Variants in SLC5A8 observed in about 807,000 individuals in gnomAD.
The protein encoded by SLC5A8 is solute carrier family 5 member 8, also known as sodium-coupled monocarboxylate transporter 1.
Under a neutral mutation model 71.9 loss-of-function variants are expected in SLC5A8, and 55 were observed. The observed-to-expected ratio is 0.77, with a 90% confidence interval of 0.62 to 0.96. SLC5A8 has a LOEUF of 0.96. SLC5A8 is among the 40% of genes least tolerant of loss of function. SLC5A8 has a pLI of 0.00. For missense variants in SLC5A8, 701 were observed against 745.3 expected, an observed-to-expected ratio of 0.94 and a Z score of 0.69; for synonymous variants, 307 against 276.1, an observed-to-expected ratio of 1.11 and a Z score of -1.11.
At chr12:101,164,870 C>T (rs1593362249) in intron 12 of SLC5A8, among the ~76,000 whole-genome samples, 1 of 152,138 alleles carries the variant, frequency 6.6e-6, no homozygotes, top group East Asian at 1.9e-4. Flanking sequence ...CCAGATCTTC[C>T]CCTTCATCTA....
chr12:101,170,739 C>A (rs978113090), intron 10 of SLC5A8, among the ~76,000 whole-genome samples: 4 of 152,144 alleles, frequency 2.6e-5, no homozygotes, highest in African/African-American at 4.8e-5. Context: ...TTCCATCCCC[C>A]CAGACTGTCA....
intron 7 of SLC5A8, among the ~76,000 whole-genome samples, chr12:101,184,850 G>A (rs895117623): frequency 6.6e-6 from 1 of 152,146 alleles, no homozygotes; most frequent in Non-Finnish European, 1.5e-5. Context: ...CTTGCTTTTT[G>A]ATAACTTATA....
chr12:101,165,130 G>T (rs1469617426), intron 12 of SLC5A8, among the ~76,000 whole-genome samples: 1 of 152,094 alleles, frequency 6.6e-6, no homozygotes, highest in African/African-American at 2.4e-5. Context: ...TTCTTCCATG[G>T]ATACTAAATA....
At chr12:101,165,056 C>T (rs527465544) in intron 12 of SLC5A8, among the ~76,000 whole-genome samples, 2 of 152,282 alleles carry the variant, frequency 1.3e-5, no homozygotes, top group Admixed American at 6.5e-5. Flanking sequence ...TATATTTGCA[C>T]ATTCCCTCCT....
intron 12 of SLC5A8, among the ~76,000 whole-genome samples, chr12:101,164,260 AAGAC>A (rs1303302797): frequency 5.9e-5 from 9 of 152,212 alleles, no homozygotes; most frequent in East Asian, 1.9e-4. Flanking sequence ...AAGTAAGAAA[AAGAC>A]AGAGAATCCA....
intron 1 of SLC5A8, among the ~76,000 whole-genome samples, chr12:101,205,121 C>G (rs1187356913): frequency 6.6e-6 from 1 of 152,140 alleles, no homozygotes. Context: ...ATGATCCCAG[C>G]TCAGCCAATC....
chr12:101,206,290 A>G (rs1869675353), intron 1 of SLC5A8, among the ~76,000 whole-genome samples: 1 of 152,222 alleles, frequency 6.6e-6, no homozygotes, highest in Admixed American at 6.5e-5. Flanking sequence ...GTCTGGGAAC[A>G]AGGCAGTATT....
chr12:101,169,214 A>G (rs1403659622), intron 10 of SLC5A8, among the ~76,000 whole-genome samples: 1 of 152,202 alleles, frequency 6.6e-6, no homozygotes, highest in Non-Finnish European at 1.5e-5. Context: ...GCAGTTTTGG[A>G]GACATAACAA....
At chr12:101,183,830 C>T (rs1444387568) in intron 8 of SLC5A8, among the ~76,000 whole-genome samples, 2 of 152,154 alleles carry the variant, frequency 1.3e-5, no homozygotes, top group Non-Finnish European at 2.9e-5. Flanking sequence ...CTGTGGCACC[C>T]ATTTTTGATC....
Position 101,169,029 on chromosome 12 carries a change from T to C in SLC5A8, c.1234-847A>G, listed in dbSNP as rs958177809. Reference sequence around the variant, plus strand: ...TGTTGTTTTAAATAGGCCTACTTCATGGAAGAAGAAAAGGATGTGGTACTG... The same window carrying C: ...TGTTGTTTTAAATAGGCCTACTTCACGGAAGAAGAAAAGGATGTGGTACTG... On this transcript the variant is annotated intron_variant, in intron 10 of 14. Coordinates refer to ENST00000536262, the MANE Select transcript of SLC5A8 (RefSeq NM_145913.5). 3.3e-5 allele frequency among the ~76,000 whole-genome samples: 5 copies of C among 152,160 alleles called. No individual in the cohort carries two copies. The East Asian group carries it at 9.6e-4, about 29-fold the overall frequency.
chr12:101,194,029 G>A (rs12305787), intron 4 of SLC5A8, among the ~76,000 whole-genome samples: 29,314 of 152,114 alleles, frequency 0.19, 3,192 homozygotes, highest in African/African-American at 0.27. Flanking sequence ...AAAACATAAA[G>A]GAGTGAAACT....
At chr12:101,186,931 CCA>C (rs1477555711) in intron 7 of SLC5A8, among the ~76,000 whole-genome samples, 1 of 152,126 alleles carries the variant, frequency 6.6e-6, no homozygotes, top group Non-Finnish European at 1.5e-5. Context: ...CAGAATCTCA[CCA>C]CATAGTTGGT....
At chr12:101,186,538 CT>C (rs1432491474) in intron 7 of SLC5A8, among the ~76,000 whole-genome samples, 1 of 152,112 alleles carries the variant, frequency 6.6e-6, no homozygotes, top group Non-Finnish European at 1.5e-5. Context: ...TCTAGTTCCC[CT>C]TTTTGAAAGA....
chr12:101,210,180 GGAGCC>G lies in SLC5A8; in HGVS notation c.-337_-333del. 3.3e-6 allele frequency: 1 copy of G among 301,126 alleles called. No homozygotes were observed. The allele number at this position is 301,126 out of a possible 1,614,324, so 18.7% of individuals were successfully genotyped here. ...GGGGACACCTGAGCAGATGAGAACT[GGAGCC>G]TCCAGCTGCTTCCAGCGAATCTACA... On this transcript the variant is annotated 5_prime_UTR_variant, in exon 1 of 15. Coordinates refer to ENST00000536262, the MANE Select transcript of SLC5A8 (RefSeq NM_145913.5).
intron 9 of SLC5A8, among the ~76,000 whole-genome samples, chr12:101,180,389 T>C (rs2051921182): frequency 6.6e-6 from 1 of 152,250 alleles, no homozygotes; most frequent in African/African-American, 2.4e-5. Flanking sequence ...AACTATATTG[T>C]GTTATTAATC....
rs1316466456 is a variant in SLC5A8 at position 101,157,318 on chromosome 12, G to A, written c.1794C>T (p.Asn598=). ...DNPAFNHIEL[N]SDQSGKSNGT... is the part of the protein sequence containing the mutation. ...CATTGCTCTTGCCACTCTGATCTGA[G>A]TTCAATTCAATGTGGTTGAAAGCAG... The change falls in exon 15 of 15, where the codon AAC becomes AAT. Residue 598 remains asparagine (N), a synonymous_variant. Coordinates refer to ENST00000536262, the MANE Select transcript of SLC5A8 (RefSeq NM_145913.5). The A allele has an allele frequency of 2.5e-6, 4 of 1,613,494 alleles. No homozygotes were observed. The highest frequency in any genetic ancestry group is 3.4e-6 in the Non-Finnish European group (4 of 1,179,754).
Position 101,155,957 on chromosome 12 carries a change from A to T in SLC5A8, c.*1322T>A, listed in dbSNP as rs1440452175. 1 of 152,156 alleles carries T rather than the reference A, an allele frequency of 6.6e-6. No individual in the cohort carries two copies. The highest frequency in any genetic ancestry group is 2.4e-5 in the African/African-American group (1 of 41,452). 9.4% of individuals were successfully genotyped at this position (152,156 alleles called of 1,614,324 possible). ...AATATTTCTCTTATGTTTCTAAAAAAAATTGAGTTTAAAAAAGAACTTTTA... is the reference window on the plus strand; with the variant it reads ...AATATTTCTCTTATGTTTCTAAAAATAATTGAGTTTAAAAAAGAACTTTTA... On this transcript the variant is annotated 3_prime_UTR_variant, in exon 15 of 15. Transcript: ENST00000536262.
At chr12:101,192,175 C>A (rs761596923) in intron 5 of SLC5A8, among the ~76,000 whole-genome samples, 29 of 152,278 alleles carry the variant, frequency 1.9e-4, no homozygotes, top group Non-Finnish European at 3.8e-4. Flanking sequence ...CTTGTTCTGC[C>A]CTGGCCAAGG....
At chr12:101,197,738 A>C (rs1869249129) in intron 3 of SLC5A8, among the ~76,000 whole-genome samples, 1 of 152,150 alleles carries the variant, frequency 6.6e-6, no homozygotes, top group South Asian at 2.1e-4. Context: ...ATTGATAATT[A>C]TATCTGGAGA....
Sources: gnomAD v4.1 joint callset for allele counts (sites outside exome capture counted in the v4.1 genomes callset) on GRCh38, gnomAD v4.1.1 for gene constraint, MANE v1.5 for transcripts, NCBI Gene and HGNC (gene_info 2026-07-23, HGNC 2026-07-21) for gene names.